The following CCBE1 variants were observed in gnomAD, a reference collection of about 807,000 sequenced individuals.
CCBE1 encodes collagen and calcium-binding EGF domain-containing protein 1.
Under a neutral mutation model 50.0 loss-of-function variants are expected in CCBE1, and 37 were observed. The observed-to-expected ratio is 0.74, with a 90% CI of 0.57 to 0.97. The LOEUF (loss-of-function observed/expected upper bound fraction) is 0.97, where lower values mean the gene tolerates loss of function less well. Ranked by LOEUF, CCBE1 falls within the 50% of genes least tolerant of loss-of-function variation. The pLI, the probability that CCBE1 is intolerant of heterozygous loss-of-function variation, is 0.00. For missense variants in CCBE1, 538 were observed against 523.8 expected (o/e 1.03, Z -0.26); for synonymous variants, 234 against 203.7 (o/e 1.15, Z -1.27).
chr18:59,558,315 T>C (rs374116247), intron 2 of CCBE1, among the ~76,000 whole-genome samples: 150 of 152,356 alleles, frequency 9.8e-4, no homozygotes, highest in African/African-American at 3.6e-3. Context: ...TGCACAATGC[T>C]ATTCAGCTGC....
In CCBE1 at chr18:59,439,718, G is replaced by T. The variant is rs571698755; in HGVS notation, c.874C>A (p.Pro292Thr). The change falls in exon 8 of 11, where the codon CCT becomes ACT. Residue 292 changes from proline to threonine, a missense_variant. By Grantham distance (38) the Pro-to-Thr change is conservative. Coordinates refer to ENST00000439986, the MANE Select transcript of CCBE1 (RefSeq NM_133459.4). ...CCTTGCTTAATGTGGGACAGATCAGGAGATGGTCCCATGGGTCCCATTGAG... is the reference window on the plus strand; with the variant it reads ...CCTTGCTTAATGTGGGACAGATCAGTAGATGGTCCCATGGGTCCCATTGAG... Reference protein sequence around the residue: ...RGSMGPMGPSPDLSHIKQGRR... With the variant: ...RGSMGPMGPSTDLSHIKQGRR... The T allele has an allele frequency of 6.2e-7, 1 of 1,614,260 alleles. No individual in the cohort carries two copies. The highest frequency in any genetic ancestry group is 1.1e-5 in the South Asian group (1 of 91,088).
chr18:59,672,989 C>T (rs1368764939), intron 2 of CCBE1, among the ~76,000 whole-genome samples: 1 of 151,802 alleles, frequency 6.6e-6, no homozygotes, highest in African/African-American at 2.4e-5. Context: ...CACCTGTTCC[C>T]CAAAAACCTA....
At position 59,435,829 on chromosome 18, in the gene CCBE1, G is replaced by T; in HGVS notation, c.*79C>A. ...AATGTATGTTTTCTAGGTCTCCAGTGGTCTTTCTTCTCTTTAGATGGTTTA... is the reference window on the plus strand; with the variant it reads ...AATGTATGTTTTCTAGGTCTCCAGTTGTCTTTCTTCTCTTTAGATGGTTTA... On this transcript the variant is annotated 3_prime_UTR_variant, in exon 11 of 11. Transcript: ENST00000439986. The T allele has an allele frequency of 8.2e-7, 1 of 1,222,802 alleles. No homozygotes were observed. Among genetic ancestry groups the T allele is most frequent in the Non-Finnish European group, 1.2e-6 (1 of 823,212 alleles). 75.7% of individuals were successfully genotyped at this position (1,222,802 alleles called of 1,614,324 possible). A position where few individuals can be genotyped will look rare whatever the true frequency, so the allele number is the denominator to read the frequency against.
At chr18:59,653,577 C>T (rs749718337) in intron 2 of CCBE1, among the ~76,000 whole-genome samples, 1 of 152,168 alleles carries the variant, frequency 6.6e-6, no homozygotes, top group Non-Finnish European at 1.5e-5. Context: ...ATGATTTCTG[C>T]TGAGGAAATT....
chr18:59,608,334 G>A (rs1336626242), intron 2 of CCBE1, among the ~76,000 whole-genome samples: 1 of 152,118 alleles, frequency 6.6e-6, no homozygotes, highest in African/African-American at 2.4e-5. Flanking sequence ...ATTTAACTTT[G>A]TGTTCCAGAC....
chr18:59,488,828 G>A (rs1361611727), intron 2 of CCBE1, among the ~76,000 whole-genome samples: 1 of 152,172 alleles, frequency 6.6e-6, no homozygotes, highest in Non-Finnish European at 1.5e-5. Flanking sequence ...CATGCATCAA[G>A]CCCAACAGCA....
At chr18:59,468,243 G>C (rs1285801276) in intron 4 of CCBE1, among the ~76,000 whole-genome samples, 1 of 152,126 alleles carries the variant, frequency 6.6e-6, no homozygotes, top group Non-Finnish European at 1.5e-5. Context: ...AAATTAGCTG[G>C]GTGTAGTGGC....
At chr18:59,581,697 C>T (rs911989407) in intron 2 of CCBE1, among the ~76,000 whole-genome samples, 6 of 152,174 alleles carry the variant, frequency 3.9e-5, no homozygotes, top group Non-Finnish European at 2.9e-5. Context: ...GTATTACTTA[C>T]GTTGGGGCCA....
At chr18:59,694,564 T>C (rs538857768) in intron 2 of CCBE1, among the ~76,000 whole-genome samples, 219 of 152,114 alleles carry the variant, frequency 1.4e-3, no homozygotes, top group Non-Finnish European at 2.0e-3. Flanking sequence ...TTAAGACAGA[T>C]TCTGATTTAA....
At chr18:59,450,456 G>T (rs1255332715) in intron 6 of CCBE1, among the ~76,000 whole-genome samples, 1 of 152,064 alleles carries the variant, frequency 6.6e-6, no homozygotes, top group East Asian at 1.9e-4. Flanking sequence ...CAGACGGTGG[G>T]TCTAGAATTT....
At chr18:59,443,033 C>T (rs188033630) in intron 7 of CCBE1, among the ~76,000 whole-genome samples, 3 of 152,034 alleles carry the variant, frequency 2.0e-5, no homozygotes, top group Non-Finnish European at 2.9e-5. Flanking sequence ...AGGCCTGTAT[C>T]GACACAGCTC....
intron 2 of CCBE1, among the ~76,000 whole-genome samples, chr18:59,612,295 A>T (rs979080970): frequency 3.8e-5 from 2 of 52,006 alleles, no homozygotes; most frequent in Admixed American, 2.2e-4. Context: ...AAGTATAATA[A>T]AAAAAAAAAA....
chr18:59,456,811 G>C (rs1347249214), intron 5 of CCBE1, among the ~76,000 whole-genome samples: 1 of 152,194 alleles, frequency 6.6e-6, no homozygotes, highest in African/African-American at 2.4e-5. Context: ...TCTGCCCTTT[G>C]GGAGGTGAGC....
At chr18:59,502,626 C>T (rs150438411) in intron 2 of CCBE1, among the ~76,000 whole-genome samples, 1 of 152,290 alleles carries the variant, frequency 6.6e-6, no homozygotes, top group East Asian at 1.9e-4. Flanking sequence ...GAGCCCAACT[C>T]TGAGCCCTTG....
At chr18:59,606,639 C>G (rs11152161) in intron 2 of CCBE1, among the ~76,000 whole-genome samples, 2,511 of 152,178 alleles carry the variant, frequency 0.017, 35 homozygotes, top group Middle Eastern at 0.054. Context: ...TGTCAAGAAG[C>G]ACAAGAATCA....
chr18:59,490,205 G>A (rs185004444), intron 2 of CCBE1, among the ~76,000 whole-genome samples: 25 of 151,962 alleles, frequency 1.6e-4, no homozygotes, highest in Admixed American at 2.6e-4. Flanking sequence ...GGCTCGTCTC[G>A]AACTGCTGAC....
chr18:59,572,095 A>G (rs72964876), intron 2 of CCBE1, among the ~76,000 whole-genome samples: 1 of 152,202 alleles, frequency 6.6e-6, no homozygotes, highest in African/African-American at 2.4e-5. Flanking sequence ...ACAAAAAATG[A>G]AAAGAATTTT....
Position 59,435,246 on chromosome 18 carries a change from A to C in CCBE1, c.*662T>G, listed in dbSNP as rs1457215684. 1 of 152,454 alleles carries C rather than the reference A, an allele frequency of 6.6e-6. No individual in the cohort carries two copies. Among genetic ancestry groups the C allele is most frequent in the Non-Finnish European group, 1.5e-5 (1 of 68,236 alleles). 9.4% of individuals were successfully genotyped at this position (152,454 alleles called of 1,614,324 possible). ...CCGTATTTGAATTTTAGAATGTGGC[A>C]ATCTATATAACAGTAAATATATGAC... On this transcript the variant is annotated 3_prime_UTR_variant, in exon 11 of 11. Coordinates refer to ENST00000439986, the MANE Select transcript of CCBE1 (RefSeq NM_133459.4).
intron 2 of CCBE1, chr18:59,666,312 A>G (rs1050631943): frequency 1.3e-5 from 2 of 152,146 alleles, no homozygotes; most frequent in African/African-American, 4.8e-5. Flanking sequence ...GAATTGTGGG[A>G]GTTACAATTC....
Sources: gnomAD v4.1 joint callset for allele counts (sites outside exome capture counted in the v4.1 genomes callset) on GRCh38, gnomAD v4.1.1 for gene constraint, MANE v1.5 for transcripts, NCBI Gene and HGNC (gene_info 2026-07-23, HGNC 2026-07-21) for gene names.